Variants in F13A1 observed in about 807,000 individuals in gnomAD.
F13A1 encodes coagulation factor XIII A chain.
In F13A1, 47 loss-of-function variants were observed where a neutral mutation model predicts 80.1. The ratio of observed to expected loss-of-function variants is 0.59; its 90% CI spans 0.46 to 0.75. The LOEUF (loss-of-function observed/expected upper bound fraction) is 0.75. Among genes scored for constraint, F13A1 ranks in the 30% least tolerant of loss-of-function variants. The pLI, the probability that F13A1 is intolerant of heterozygous loss-of-function variation, is 0.00. For missense variants in F13A1, 817 were observed against 930.4 expected (o/e 0.88, Z 1.59); for synonymous variants, 349 against 344.9 (o/e 1.01, Z -0.13).
In F13A1 at chr6:6,167,581, G is replaced by A; in HGVS notation, c.1785C>T (p.Tyr595=). 1.2e-6 allele frequency: 2 copies of A among 1,613,940 alleles called. No individual in the cohort carries two copies. Among genetic ancestry groups the A allele is most frequent in the Non-Finnish European group, 1.7e-6 (2 of 1,180,008 alleles). ...KEAVLIQAGE[Y]MGQLLEQASL... ...ACGCTTGTTCCAGCAGCTGACCCAT[G>A]TACTCGCCGGCTTGGATCAGCACCG... The change falls in exon 13 of 15, where the codon TAC becomes TAT. Residue 595 remains tyrosine (Y), a synonymous_variant. Coordinates refer to ENST00000264870, the MANE Select transcript of F13A1 (RefSeq NM_000129.4).
At chr6:6,158,242 G>A (rs1242854593) in intron 13 of F13A1, among the ~76,000 whole-genome samples, 1 of 152,138 alleles carries the variant, frequency 6.6e-6, no homozygotes, top group Non-Finnish European at 1.5e-5. Context: ...TGACTGGGAT[G>A]CACACAGTGG....
chr6:6,212,905 G>A lies in F13A1; in HGVS notation c.1112+9128C>T, dbSNP rs373940816. Among the ~76,000 whole-genome samples, 472 of 152,244 alleles carry A rather than the reference G, an allele frequency of 3.1e-3. 4 individuals carry two copies. Among genetic ancestry groups the A allele is most frequent in the African/African-American group, 0.011 (449 of 41,520 alleles). ...ATGCAGAAGCCTCAGGAGCCGATGC[G>A]ATCAACTGGAAGAAAGGGTATCAGC... On this transcript the variant is annotated intron_variant, in intron 8 of 14. Coordinates refer to ENST00000264870, the MANE Select transcript of F13A1 (RefSeq NM_000129.4).
chr6:6,269,623 T>G (rs374779269), intron 3 of F13A1, among the ~76,000 whole-genome samples: 1 of 152,188 alleles, frequency 6.6e-6, no homozygotes, highest in Non-Finnish European at 1.5e-5. Flanking sequence ...TAATGATCAA[T>G]GTAATCTCCA....
chr6:6,217,228 C>T (rs1583076953), intron 8 of F13A1, among the ~76,000 whole-genome samples: 1 of 152,014 alleles, frequency 6.6e-6, no homozygotes, highest in Non-Finnish European at 1.5e-5. Flanking sequence ...CACATGCACA[C>T]ATATGTTTAT....
intron 2 of F13A1, among the ~76,000 whole-genome samples, chr6:6,306,301 C>T (rs1401682515): frequency 6.6e-6 from 1 of 152,166 alleles, no homozygotes; most frequent in Non-Finnish European, 1.5e-5. Context: ...TGATTTGTGG[C>T]ATCAGGAGTG....
At chr6:6,147,292 A>T (rs1465250256) in intron 14 of F13A1, among the ~76,000 whole-genome samples, 2 of 152,090 alleles carry the variant, frequency 1.3e-5, no homozygotes, top group African/African-American at 4.8e-5. Flanking sequence ...TTCCCCAAAA[A>T]CCTATAGAAA....
chr6:6,186,498 G>T (rs535969077), intron 10 of F13A1, among the ~76,000 whole-genome samples: 201 of 152,248 alleles, frequency 1.3e-3, no homozygotes, highest in African/African-American at 4.6e-3. Flanking sequence ...CCCATTGCTT[G>T]TTTTTGTCAG....
chr6:6,319,601 C>A (rs918309727), intron 1 of F13A1, among the ~76,000 whole-genome samples: 4 of 152,120 alleles, frequency 2.6e-5, no homozygotes, highest in Admixed American at 2.0e-4. Context: ...GTGAAGGTTC[C>A]CCCTTGATCC....
At chr6:6,234,820 C>T (rs1346881143) in intron 6 of F13A1, among the ~76,000 whole-genome samples, 1 of 151,822 alleles carries the variant, frequency 6.6e-6, no homozygotes, top group Non-Finnish European at 1.5e-5. Flanking sequence ...TCTTCTGTTG[C>T]AATTTAATTT....
chr6:6,161,970 C>G lies in F13A1; in HGVS notation c.1908+5488G>C, dbSNP rs189792954. Reference sequence around the variant, plus strand: ...GATCTAAAGGGGAATCAGGTAAGAACAGCTGGAAACTAGCTTTTAGGAAAC... The same window carrying G: ...GATCTAAAGGGGAATCAGGTAAGAAGAGCTGGAAACTAGCTTTTAGGAAAC... On this transcript the variant is annotated intron_variant, in intron 13 of 14. Transcript: ENST00000264870. Among the ~76,000 whole-genome samples the G allele has an allele frequency of 1.3e-3, 198 of 152,298 alleles. 1 individual carries two copies. Among genetic ancestry groups the G allele is most frequent in the African/African-American group, 4.6e-3 (190 of 41,568 alleles).
intron 8 of F13A1, among the ~76,000 whole-genome samples, chr6:6,209,559 TACA>T (rs1246717135): frequency 6.6e-6 from 1 of 152,014 alleles, no homozygotes; most frequent in Non-Finnish European, 1.5e-5. Flanking sequence ...GAATGTTCAT[TACA>T]ACATTATTCA....
At chr6:6,226,986 A>G (rs901093065) in intron 6 of F13A1, among the ~76,000 whole-genome samples, 2 of 148,946 alleles carry the variant, frequency 1.3e-5, no homozygotes, top group African/African-American at 4.8e-5. Context: ...GGCCATCTAC[A>G]TAGTGGAAAC....
chr6:6,292,841 C>T lies in F13A1; in HGVS notation c.319+12510G>A, dbSNP rs775102003. Among the ~76,000 whole-genome samples the T allele has an allele frequency of 1.6e-4, 24 of 152,190 alleles. 1 individual carries two copies. The highest frequency in any genetic ancestry group is 2.4e-5 in the African/African-American group (1 of 41,454). ...TAGGGGGGATGCCCAGCACACATGA[C>T]TGCGGGTCCACCAGCACCCACTTTC... On this transcript the variant is annotated intron_variant, in intron 3 of 14. Coordinates refer to ENST00000264870, the MANE Select transcript of F13A1 (RefSeq NM_000129.4).
chr6:6,225,888 A>G (rs1461972791), intron 6 of F13A1, among the ~76,000 whole-genome samples: 1 of 152,196 alleles, frequency 6.6e-6, no homozygotes, highest in Admixed American at 6.5e-5. Flanking sequence ...GAGTTTTCTT[A>G]GAAGGTATTT....
In F13A1 at chr6:6,182,082, A is replaced by G. The variant is rs977631054; in HGVS notation, c.1365T>C (p.Asn455=). 6.2e-7 allele frequency: 1 copy of G among 1,614,142 alleles called. No individual in the cohort carries two copies. Among genetic ancestry groups the G allele is most frequent in the Non-Finnish European group, 8.5e-7 (1 of 1,179,996 alleles). Reference sequence around the variant, plus strand: ...ATTTCCCAATGTGGGTGGCATCCACATTTTCCACCACATGAGTGCCATCTT... The same window carrying G: ...ATTTCCCAATGTGGGTGGCATCCACGTTTTCCACCACATGAGTGCCATCTT... The part of the protein sequence containing the change: ...AKKDGTHVVE[N]VDATHIGKLI... Residue 455 remains asparagine (N), a synonymous_variant, in exon 11 of 15, where the codon AAT becomes AAC. Coordinates refer to ENST00000264870, the MANE Select transcript of F13A1 (RefSeq NM_000129.4).
Position 6,250,681 on chromosome 6 carries a change from G to C in F13A1, c.690+130C>G. ...CCCTACTCCTATGCTCTCTGCCTTG[G>C]AGTCTCAGATCCTAAAAAGCAGGAA... On this transcript the variant is annotated intron_variant, in intron 5 of 14. Coordinates refer to ENST00000264870, the MANE Select transcript of F13A1 (RefSeq NM_000129.4). This position sits in a 1 kb window ranked among gnomAD's most constrained non-coding sequence, Gnocchi z 4.2. 1.4e-6 allele frequency: 1 copy of C among 707,136 alleles called. No homozygotes were observed. Among genetic ancestry groups the C allele is most frequent in the Non-Finnish European group, 2.6e-6 (1 of 391,980 alleles). 43.8% of individuals were successfully genotyped at this position (707,136 alleles called of 1,614,324 possible).
At chr6:6,187,977 T>C (rs1761110751) in intron 10 of F13A1, among the ~76,000 whole-genome samples, 3 of 150,002 alleles carry the variant, frequency 2.0e-5, no homozygotes, top group Admixed American at 6.7e-5. Context: ...GAGGAATTTA[T>C]CCATTTCTTC....
intron 3 of F13A1, among the ~76,000 whole-genome samples, chr6:6,284,652 A>G (rs1404406636): frequency 1.3e-5 from 2 of 152,022 alleles, no homozygotes; most frequent in African/African-American, 2.4e-5. Context: ...CCAAACTCCA[A>G]ATGCAGCCAG....
chr6:6,288,149 G>C (rs961840541), intron 3 of F13A1, among the ~76,000 whole-genome samples: 1 of 151,962 alleles, frequency 6.6e-6, no homozygotes, highest in Non-Finnish European at 1.5e-5. Context: ...TATGTACATG[G>C]AAAAAAGAAA....
Sources: allele counts gnomAD v4.1 joint callset (sites outside exome capture counted in the v4.1 genomes callset), GRCh38; gene constraint gnomAD v4.1.1; non-coding constraint Gnocchi (gnomAD v3.1); transcripts MANE v1.5; gene names NCBI Gene and HGNC (gene_info 2026-07-23, HGNC 2026-07-21).